CCDC181: variants seen among roughly 807,000 people sequenced by gnomAD.
CCDC181 encodes the protein coiled-coil domain-containing protein 181.
A neutral mutation model predicts 58.7 loss-of-function variants in CCDC181; 35 were observed. The observed-to-expected ratio is 0.60, with a 90% CI of 0.46 to 0.79. CCDC181 has a LOEUF of 0.79. Ranked by LOEUF, CCDC181 falls within the 30% of genes least tolerant of loss-of-function variation. CCDC181 has a pLI of 0.00. For missense variants in CCDC181, 517 were observed against 583.9 expected (o/e 0.89, Z 1.18); for synonymous variants, 183 against 197.5 (o/e 0.93, Z 0.62).
At chr1:169,446,096 G>A (rs534341101) in intron 2 of CCDC181, among the ~76,000 whole-genome samples, 19 of 152,068 alleles carry the variant, frequency 1.2e-4, no homozygotes, top group African/African-American at 4.1e-4. Flanking sequence ...TATCAATTTC[G>A]TTGATTTCTC....
intron 4 of CCDC181, among the ~76,000 whole-genome samples, chr1:169,408,712 C>T (rs1432013025): frequency 6.6e-6 from 1 of 152,188 alleles, no homozygotes; most frequent in East Asian, 1.9e-4. Context: ...CTTTGCTGTT[C>T]TGCAGCTTCT....
At chr1:169,408,892 A>G (rs1655812548) in intron 4 of CCDC181, among the ~76,000 whole-genome samples, 1 of 152,226 alleles carries the variant, frequency 6.6e-6, no homozygotes, top group African/African-American at 2.4e-5. Context: ...GGTCACCAAC[A>G]TCAAAGACAA....
intron 4 of CCDC181, among the ~76,000 whole-genome samples, chr1:169,403,295 C>T (rs910328676): frequency 6.6e-6 from 1 of 152,186 alleles, no homozygotes; most frequent in Non-Finnish European, 1.5e-5. Context: ...TTGAACGCAG[C>T]TCTGCACCAA....
At chr1:169,416,495 A>T (rs1157646240) in intron 4 of CCDC181, among the ~76,000 whole-genome samples, 1 of 152,192 alleles carries the variant, frequency 6.6e-6, no homozygotes. Context: ...GAAACACCAG[A>T]ATACAGTTAT....
At chr1:169,435,479 G>T (rs909483102) in intron 2 of CCDC181, among the ~76,000 whole-genome samples, 2 of 152,142 alleles carry the variant, frequency 1.3e-5, no homozygotes, top group African/African-American at 4.8e-5. Context: ...TAAGAAAAAT[G>T]GGTTTTCCAG....
At chr1:169,438,575 A>C (rs947038937) in intron 2 of CCDC181, among the ~76,000 whole-genome samples, 1 of 152,220 alleles carries the variant, frequency 6.6e-6, no homozygotes, top group African/African-American at 2.4e-5. Context: ...ACATACAACA[A>C]AACAGACACT....
At chr1:169,444,908 C>A (rs1389952587) in intron 2 of CCDC181, among the ~76,000 whole-genome samples, 1 of 152,130 alleles carries the variant, frequency 6.6e-6, no homozygotes, top group Non-Finnish European at 1.5e-5. Context: ...AGAATACTCT[C>A]AAAAATGTAA....
Position 169,422,185 on chromosome 1 carries a change from G to A in CCDC181, c.246C>T (p.Asp82=), listed in dbSNP as rs779432843. ...GTTGAATACCTGGTACAGAAATGAT[G>A]TCATTTCTTCTTGGTGAGACCTCAT... ...LQDEVSPRRN[D]IISVPGIQPL... is the part of the protein sequence containing the mutation. Residue 82 remains aspartate, a synonymous_variant, in exon 3 of 6, where the codon GAC becomes GAT. Coordinates refer to ENST00000367806, the MANE Select transcript of CCDC181 (RefSeq NM_001300969.2). The A allele has an allele frequency of 6.2e-7, 1 of 1,613,306 alleles. No homozygotes were observed.
At chr1:169,397,446 A>G in intron 4 of CCDC181, 55 bp from the exon 5 acceptor site, 1 of 1,469,288 alleles carries the variant, frequency 6.8e-7, no homozygotes, top group Non-Finnish European at 9.1e-7. Flanking sequence ...TACATTTTGA[A>G]GCCCTGCTTA....
rs1347889311 is a variant in CCDC181 at position 169,421,349 on chromosome 1, A to G, written c.1068+14T>C. 3 of 1,564,640 alleles carry G rather than the reference A, an allele frequency of 1.9e-6. No homozygotes were observed. The highest frequency in any genetic ancestry group is 3.5e-5 in the Admixed American group (2 of 57,668). On this transcript the variant is annotated intron_variant, in intron 3 of 5. Coordinates refer to ENST00000367806, the MANE Select transcript of CCDC181 (RefSeq NM_001300969.2). ...ATACTCTACTTTTAATATAATGCCC[A>G]CTTAGGTTCTCACCTCTCTTTTCAG...
intron 2 of CCDC181, among the ~76,000 whole-genome samples, chr1:169,423,957 A>G (rs1011442603): frequency 1.3e-5 from 2 of 151,954 alleles, no homozygotes; most frequent in Admixed American, 6.6e-5. Flanking sequence ...CTGTAATATA[A>G]AACCTGCATT....
At chr1:169,429,064 T>A (rs1656828569), upstream of CCDC181, among the ~76,000 whole-genome samples, 1 of 152,218 alleles carries the variant, frequency 6.6e-6, no homozygotes, top group East Asian at 1.9e-4. Context: ...TTTCCATTCC[T>A]GAGTTACTTC....
At position 169,418,496 on chromosome 1, in the gene CCDC181, C is replaced by CT. The variant is rs766546052; in HGVS notation, c.1215+516dup. 2.3e-3 allele frequency among the ~76,000 whole-genome samples: 352 copies of CT among 149,868 alleles called. 1 individual carries two copies. Among genetic ancestry groups the CT allele is most frequent in the African/African-American group, 8.1e-3 (333 of 40,876 alleles). On this transcript the variant is annotated intron_variant, in intron 4 of 5. Coordinates refer to ENST00000367806, the MANE Select transcript of CCDC181 (RefSeq NM_001300969.2). ...GCTTAGGGTTAAATTTTCTTTTTTT[C>CT]TTTTTTTTTAAATTTTATTATTATT...
At chr1:169,439,785 G>A (rs1404140653) in intron 2 of CCDC181, among the ~76,000 whole-genome samples, 1 of 152,174 alleles carries the variant, frequency 6.6e-6, no homozygotes. Context: ...GAGTGATGGA[G>A]GTGGTTCTCA....
rs554191618 is a variant in CCDC181 at position 169,458,199 on chromosome 1, T to G, written c.-24+1598A>C. On this transcript the variant is annotated intron_variant, in intron 2 of 6. Coordinates refer to the CCDC181 transcript ENST00000545005. ...TGTTTTTTTTTTTTTGTTTTGTTTT[T>G]TTTGCCATTTAAAAGTATGGCCAAA... Among the ~76,000 whole-genome samples, 133 of 151,364 alleles carry G rather than the reference T, an allele frequency of 8.8e-4. 1 individual carries two copies. In the South Asian group the frequency reaches 0.017, roughly 19 times the overall value.
chr1:169,445,545 CTTG>C (rs1219134345), intron 2 of CCDC181, among the ~76,000 whole-genome samples: 1 of 152,120 alleles, frequency 6.6e-6, no homozygotes, highest in Non-Finnish European at 1.5e-5. Flanking sequence ...ATTCACTAAT[CTTG>C]TTGAGGAGTT....
intron 4 of CCDC181, among the ~76,000 whole-genome samples, chr1:169,404,135 A>G (rs1231469003): frequency 1.3e-5 from 2 of 152,216 alleles, no homozygotes; most frequent in Non-Finnish European, 2.9e-5. Context: ...CCCTGAATAG[A>G]CGAATAACAG....
rs1176796621 is a variant in CCDC181 at position 169,438,798 on chromosome 1, A to AG, written c.-23-13849dup. Among the ~76,000 whole-genome samples, 4 of 152,236 alleles carry AG rather than the reference A, an allele frequency of 2.6e-5. No individual in the cohort carries two copies. In the South Asian group the frequency reaches 6.2e-4, roughly 24 times the overall value. On this transcript the variant is annotated intron_variant, in intron 2 of 6. Coordinates refer to the CCDC181 transcript ENST00000545005. ...ATCACCAAATGTGACCAGATAAATAAGGGGGGGTTCTGAGTTAAGTCTGCT... is the reference window on the plus strand; with the variant it reads ...ATCACCAAATGTGACCAGATAAATAAGGGGGGGGTTCTGAGTTAAGTCTGCT...
chr1:169,422,090 T>A lies in CCDC181; in HGVS notation c.341A>T (p.Asp114Val). 6.2e-7 allele frequency: 1 copy of A among 1,613,466 alleles called. No individual in the cohort carries two copies. The change falls in exon 3 of 6, where the codon GAC becomes GTC. Residue 114 changes from aspartate (D) to valine (V), a missense_variant. Coordinates refer to ENST00000367806, the MANE Select transcript of CCDC181 (RefSeq NM_001300969.2). ...FQESKLESQK[D>V]LEEEEDEEVR... is the part of the protein sequence containing the mutation. The stretch of plus-strand genomic sequence containing the variant: ...TTCCTCATCCTCTTCCTCCTCCAAG[T>A]CTTTCTGGCTTTCTAGTTTGGATTC...
Sources: gnomAD v4.1 joint callset for allele counts (sites outside exome capture counted in the v4.1 genomes callset) on GRCh38, gnomAD v4.1.1 for gene constraint, MANE v1.5 for transcripts, NCBI Gene and HGNC (gene_info 2026-07-23, HGNC 2026-07-21) for gene names.